ZWILCH: variants seen among roughly 807,000 people sequenced by gnomAD.
ZWILCH encodes zwilch kinetochore protein.
In ZWILCH, 74 loss-of-function variants were observed where a neutral mutation model predicts 79.9. The observed-to-expected ratio is 0.93, with a 90% CI of 0.77 to 1.12. The LOEUF is 1.12. Ranked by LOEUF, ZWILCH falls within the 50% of genes most tolerant of loss-of-function variation. The probability of loss-of-function intolerance (pLI) is 0.00; values close to 1 mark genes in which losing one functional copy is unlikely to be tolerated. For missense variants in ZWILCH, 694 were observed against 687.5 expected (o/e 1.01, Z -0.11); for synonymous variants, 241 against 228.2 (o/e 1.06, Z -0.51).
At chr15:66,532,467 T>C in intron 13 of ZWILCH, 64 bp downstream of exon 13, 1 of 1,436,774 alleles carries the variant, frequency 7.0e-7, no homozygotes, top group Non-Finnish European at 9.4e-7. Flanking sequence ...ACAGATATTC[T>C]CGGATTTTCT....
rs1894391471 is a variant in ZWILCH, at chr15:66,518,980, A to G, written c.422A>G (p.Asp141Gly). 3 of 1,614,228 alleles carry G rather than the reference A, an allele frequency of 1.9e-6. No homozygotes were observed. The highest frequency in any genetic ancestry group is 2.5e-6 in the Non-Finnish European group (3 of 1,180,036). Residue 141 changes from aspartate (D) to glycine (G), a missense_variant, in exon 5 of 19, where the codon GAC (aspartate) becomes GGC (glycine). Transcript: ENST00000307897. ...CTTCCTCCCCTTTGGGTAAGATGTG[A>G]CAGTTCAGATCCTGAAGGTACTTGT... ...TALPPLWVRC[D>G]SSDPEGTCWL...
intron 5 of ZWILCH, among the ~76,000 whole-genome samples, chr15:66,520,351 G>T (rs1358500711): frequency 6.6e-6 from 1 of 152,074 alleles, no homozygotes; most frequent in African/African-American, 2.4e-5. Context: ...GAACTCCTGG[G>T]TTCAAACGAT....
intron 17 of ZWILCH, among the ~76,000 whole-genome samples, chr15:66,542,681 A>C (rs890396146): frequency 6.6e-6 from 1 of 152,204 alleles, no homozygotes; most frequent in Non-Finnish European, 1.5e-5. Flanking sequence ...TAAGGTAAAC[A>C]GTGTACCAAA....
chr15:66,540,264 A>G, intron 17 of ZWILCH, 54 bp downstream of exon 17: 1 of 1,472,008 alleles, frequency 6.8e-7, no homozygotes, highest in Non-Finnish European at 9.4e-7. Context: ...AAAATAAACT[A>G]AGTCTGGCTG....
chr15:66,521,875 A>G (rs1160497790), intron 7 of ZWILCH, among the ~76,000 whole-genome samples: 6 of 152,090 alleles, frequency 3.9e-5, no homozygotes, highest in Non-Finnish European at 5.9e-5. Flanking sequence ...TTCACTCTGT[A>G]TTTACATTTC....
intron 17 of ZWILCH, among the ~76,000 whole-genome samples, chr15:66,543,776 C>A (rs1015708073): frequency 6.6e-6 from 1 of 151,130 alleles, no homozygotes. Context: ...AAAAAAAGTT[C>A]TGTTGCTCAT....
Position 66,548,624 on chromosome 15 carries a change from C to T in ZWILCH, c.*300C>T, listed in dbSNP as rs747127021. 4.0e-6 allele frequency: 5 copies of T among 1,260,854 alleles called. No homozygotes were observed. Among genetic ancestry groups the T allele is most frequent in the Admixed American group, 3.4e-5 (2 of 59,410 alleles). The allele number at this position is 1,260,854 out of a possible 1,614,324, so 78.1% of individuals were successfully genotyped here. A position where few individuals can be genotyped will look rare whatever the true frequency, so the allele number is the denominator to read the frequency against. On this transcript the variant is annotated 3_prime_UTR_variant, in exon 19 of 19. Transcript: ENST00000307897. ...AAGGGCTCTGAAATGACAAAGAGAA[C>T]GAGCACCACAAATGAGAACAGGATC...
intron 4 of ZWILCH, among the ~76,000 whole-genome samples, chr15:66,516,818 A>C (rs938880237): frequency 1.6e-4 from 25 of 151,970 alleles, no homozygotes; most frequent in African/African-American, 6.1e-4. Flanking sequence ...GAAGTTTTAA[A>C]AGTTTAATCA....
chr15:66,524,415 T>G (rs1894605218), intron 8 of ZWILCH: 1 of 152,254 alleles, frequency 6.6e-6, no homozygotes, highest in Admixed American at 6.5e-5. Flanking sequence ...AATCTCACAC[T>G]TTACTTCCAT....
rs1205712304 is a variant in ZWILCH at position 66,527,345 on chromosome 15, C to T, written c.875C>T (p.Ala292Val). ...GVTEWLEPLE[A>V]KSAVELVQEF... ...ACTGAATGGCTCGAGCCCCTGGAAGCAAAATCTGCTGTTGAACTTGTTCAG... is the reference window on the plus strand; with the variant it reads ...ACTGAATGGCTCGAGCCCCTGGAAGTAAAATCTGCTGTTGAACTTGTTCAG... Residue 292 changes from alanine (A) to valine (V), a missense_variant, in exon 9 of 19, where the codon GCA becomes GTA. Transcript: ENST00000307897. The T allele has an allele frequency of 1.2e-6, 2 of 1,614,032 alleles. No individual in the cohort carries two copies.
At chr15:66,545,091 A>G (rs961134210) in intron 17 of ZWILCH, among the ~76,000 whole-genome samples, 1 of 151,660 alleles carries the variant, frequency 6.6e-6, no homozygotes, top group African/African-American at 2.4e-5. Flanking sequence ...GGTGGCTCAC[A>G]CCTGTAATCC....
chr15:66,518,358 G>A (rs1039060686), intron 4 of ZWILCH, among the ~76,000 whole-genome samples: 13 of 149,348 alleles, frequency 8.7e-5, no homozygotes, highest in Admixed American at 5.4e-4. Flanking sequence ...GTGCGATCTG[G>A]GCTCACTGCA....
At chr15:66,508,424 C>G (rs987312144) in intron 1 of ZWILCH, among the ~76,000 whole-genome samples, 2 of 152,212 alleles carry the variant, frequency 1.3e-5, no homozygotes, top group Non-Finnish European at 1.5e-5. Context: ...CCTTAAGTAA[C>G]TTCTCTGTGG....
chr15:66,517,455 T>TATATATATATATATATAGAG (rs1180456312), intron 4 of ZWILCH, among the ~76,000 whole-genome samples: 22 of 115,210 alleles, frequency 1.9e-4, no homozygotes, highest in African/African-American at 4.8e-4. Flanking sequence ...TATATATATA[T>TATATATATATATATATAGAG]AGTAATGTAC....
chr15:66,514,125 A>G, intron 3 of ZWILCH, 42 bp downstream of exon 3: 1 of 1,459,556 alleles, frequency 6.9e-7, no homozygotes, highest in Non-Finnish European at 9.3e-7. Context: ...ATTCTCCATA[A>G]CCAAATTTGG....
At chr15:66,526,139 C>T (rs760447926) in intron 8 of ZWILCH, among the ~76,000 whole-genome samples, 10 of 152,254 alleles carry the variant, frequency 6.6e-5, no homozygotes, top group Non-Finnish European at 7.4e-5. Flanking sequence ...GTTGTATTTT[C>T]TCTTTCCTAG....
chr15:66,544,717 T>G (rs1048696033), intron 17 of ZWILCH, among the ~76,000 whole-genome samples: 2 of 104,286 alleles, frequency 1.9e-5, no homozygotes, highest in Non-Finnish European at 4.0e-5. Flanking sequence ...TGTTGTTTTT[T>G]TGGTTTTTGT....
Position 66,546,640 on chromosome 15 carries a change from T to A in ZWILCH, c.1737T>A (p.Phe579Leu), listed in dbSNP as rs749420690. Residue 579 changes from phenylalanine to leucine, a missense_variant, in exon 18 of 19, where the codon TTT (phenylalanine) becomes TTA (leucine). By Grantham distance (22) the Phe-to-Leu change is conservative. Transcript: ENST00000307897. ...LNGSLEERIFFTNMVTCSQVH... is the reference protein window; with the variant it reads ...LNGSLEERIFLTNMVTCSQVH... ...GTAGCCTGGAAGAAAGGATATTCTTTACTAACATGGTTACCTGCAGCCAGG... is the reference window on the plus strand; with the variant it reads ...GTAGCCTGGAAGAAAGGATATTCTTAACTAACATGGTTACCTGCAGCCAGG... 1 of 1,609,702 alleles carries A rather than the reference T, an allele frequency of 6.2e-7. No individual in the cohort carries two copies.
chr15:66,523,600 T>A (rs1894578359), intron 7 of ZWILCH, 77 bp from the exon 8 acceptor site: 1 of 898,944 alleles, frequency 1.1e-6, no homozygotes, highest in Non-Finnish European at 1.8e-6. Flanking sequence ...AAAGATAGTT[T>A]GAAATGCAAG....
Sources: allele counts gnomAD v4.1 joint callset (sites outside exome capture counted in the v4.1 genomes callset), GRCh38; gene constraint gnomAD v4.1.1; transcripts MANE v1.5; gene names NCBI Gene and HGNC (gene_info 2026-07-23, HGNC 2026-07-21).